Variants in RCN2 observed in about 807,000 individuals in gnomAD.
RCN2 encodes reticulocalbin 2.
Under a neutral mutation model 37.5 loss-of-function variants are expected in RCN2, and 23 were observed. The ratio of observed to expected loss-of-function variants is 0.61; its 90% CI spans 0.44 to 0.87. The LOEUF (loss-of-function observed/expected upper bound fraction) is 0.87, where lower values mean the gene tolerates loss of function less well. Among genes scored for constraint, RCN2 ranks in the 40% least tolerant of loss-of-function variants. RCN2 has a pLI of 0.00. For synonymous variants in RCN2, 140 were observed against 144.6 expected (o/e 0.97, Z 0.23); for missense variants, 381 against 390.4 (o/e 0.98, Z 0.20).
chr15:76,936,815 G>C (rs1469638386), intron 3 of RCN2, among the ~76,000 whole-genome samples: 3 of 152,140 alleles, frequency 2.0e-5, no homozygotes, highest in Non-Finnish European at 2.9e-5. Context: ...ATTGACCATT[G>C]TAACCATTTT....
chr15:76,941,809 T>C, intron 3 of RCN2: 1 of 526,038 alleles, frequency 1.9e-6, no homozygotes. Context: ...GATCCTTTCT[T>C]TCCATAGGCA....
Position 76,932,482 on chromosome 15 carries a change from C to CA in RCN2, c.250+17dup. The CA allele has an allele frequency of 6.7e-7, 1 of 1,496,088 alleles. No individual in the cohort carries two copies. Among genetic ancestry groups the CA allele is most frequent in the Non-Finnish European group, 9.3e-7 (1 of 1,073,450 alleles). 92.7% of individuals were successfully genotyped at this position (1,496,088 alleles called of 1,614,324 possible). ...CTCACTGAAAGTAAGGACTGCCCTA[C>CA]ACGACTAACAATGGAGACAAACACA... On this transcript the variant is annotated intron_variant, in intron 2 of 6. Transcript: ENST00000394885.
At chr15:76,941,666 C>G (rs1343862293) in intron 3 of RCN2, 17 of 1,500,418 alleles carry the variant, frequency 1.1e-5, no homozygotes, top group East Asian at 2.5e-5. Context: ...AACAGTCTTT[C>G]TGTTTTTGGC....
rs1269666293 is a variant in RCN2 at position 76,953,797 on chromosome 15, C to G, written c.*4575C>G. 2.7e-4 allele frequency: 8 copies of G among 29,312 alleles called. No homozygotes were observed. The highest frequency in any genetic ancestry group is 1.3e-4 in the Non-Finnish European group (1 of 7,950). The allele number at this position is 29,312 out of a possible 1,614,324, so 1.8% of individuals were successfully genotyped here. A position where few individuals can be genotyped will look rare whatever the true frequency, so the allele number is the denominator to read the frequency against. On this transcript the variant is annotated 3_prime_UTR_variant, in exon 7 of 7. Transcript: ENST00000394885. ...TAATTTTTTGTATTTTTAGTAGAGA[C>G]GGGGTTTCACCGTGTTAGCCAGGAT...
intron 3 of RCN2, 174 bp from the exon 4 acceptor site, chr15:76,943,584 C>T (rs1269283653): frequency 8.4e-6 from 4 of 477,754 alleles, no homozygotes; most frequent in African/African-American, 1.9e-5. Flanking sequence ...GACTCTAGAG[C>T]TTGTGAGTCT....
intron 2 of RCN2, among the ~76,000 whole-genome samples, chr15:76,932,808 G>A (rs2075230298): frequency 6.6e-6 from 1 of 152,080 alleles, no homozygotes; most frequent in African/African-American, 2.4e-5. Flanking sequence ...ATGATTTATC[G>A]CTCTTTTGAT....
chr15:76,935,530 A>G lies in RCN2; in HGVS notation c.255A>G (p.Glu85=), dbSNP rs151334127. 2 of 1,610,186 alleles carry G rather than the reference A, an allele frequency of 1.2e-6. No homozygotes were observed. The highest frequency in any genetic ancestry group is 2.2e-5 in the East Asian group (1 of 44,812). ...TGTTCTGGGAAATTCTCATAGGTGA[A>G]CTCAGTTCATGGATTCAGATGTCTT... ...LDSDGFLTES[E]LSSWIQMSFK... Residue 85 remains glutamate, a synonymous_variant, in exon 3 of 7, where the codon GAA becomes GAG. Coordinates refer to ENST00000394885, the MANE Select transcript of RCN2 (RefSeq NM_002902.3).
In RCN2 at chr15:76,943,315, C is replaced by T. The variant is rs78706622; in HGVS notation, c.448-443C>T. 4.8e-3 allele frequency: 731 copies of T among 153,026 alleles called. 5 individuals are homozygous for T. Among genetic ancestry groups the T allele is most frequent in the Non-Finnish European group, 6.0e-3 (411 of 68,578 alleles). The allele number at this position is 153,026 out of a possible 1,614,324, so 9.5% of individuals were successfully genotyped here. A position where few individuals can be genotyped will look rare whatever the true frequency, so the allele number is the denominator to read the frequency against. On this transcript the variant is annotated intron_variant, in intron 3 of 6. Transcript: ENST00000394885. ...CCAAGTTGCTGGAACTACAGGCGTG[C>T]GCCACTATGCCATGCTCAGTATTTT...
At position 76,950,685 on chromosome 15, in the gene RCN2, G is replaced by A. The variant is rs921960901; in HGVS notation, c.*1463G>A. 5 of 152,086 alleles carry A rather than the reference G, an allele frequency of 3.3e-5. No individual in the cohort carries two copies. Among genetic ancestry groups the A allele is most frequent in the Admixed American group, 6.5e-5 (1 of 15,268 alleles). The allele number at this position is 152,086 out of a possible 1,614,324, so 9.4% of individuals were successfully genotyped here. ...ATTACAGGCGTGAGCCAACGCGCAC[G>A]GCCTCTAGTTTTTCATTCTTTAAAT... is the stretch of plus-strand genomic sequence containing the variant. On this transcript the variant is annotated 3_prime_UTR_variant, in exon 7 of 7. Transcript: ENST00000394885.
At chr15:76,948,193 A>G (rs1194655555) in intron 5 of RCN2, 1 of 373,920 alleles carries the variant, frequency 2.7e-6, no homozygotes, top group Non-Finnish European at 4.8e-6. Flanking sequence ...GAAAACATCC[A>G]ATGATTTTAA....
At chr15:76,944,743 T>C (rs146111673) in intron 4 of RCN2, among the ~76,000 whole-genome samples, 76 of 152,334 alleles carry the variant, frequency 5.0e-4, no homozygotes, top group African/African-American at 1.8e-3. Flanking sequence ...AGTACTCCAT[T>C]GTGTATATGT....
chr15:76,952,744 C>T lies in RCN2; in HGVS notation c.*3522C>T, dbSNP rs1384387769. On this transcript the variant is annotated 3_prime_UTR_variant, in exon 7 of 7. Coordinates refer to ENST00000394885, the MANE Select transcript of RCN2 (RefSeq NM_002902.3). ...CAAGCGATTCTCCTGCCTCAGCCTC[C>T]CGACTAGGTGGGATTACAGGCGGGC... 2.0e-5 allele frequency: 3 copies of T among 152,074 alleles called. No individual in the cohort carries two copies. Among genetic ancestry groups the T allele is most frequent in the Non-Finnish European group, 4.4e-5 (3 of 68,088 alleles). The allele number at this position is 152,074 out of a possible 1,614,324, so 9.4% of individuals were successfully genotyped here. A position where few individuals can be genotyped will look rare whatever the true frequency, so the allele number is the denominator to read the frequency against.
chr15:76,945,254 C>T (rs574786008), intron 4 of RCN2, among the ~76,000 whole-genome samples: 1 of 152,276 alleles, frequency 6.6e-6, no homozygotes, highest in African/African-American at 2.4e-5. Context: ...CAGTGCCTTC[C>T]TTATCCTTTT....
chr15:76,951,493 T>A lies in RCN2; in HGVS notation c.*2271T>A, dbSNP rs72742434. ...TTAAGCCACTGAGATTTGGTTGTGC[T>A]TTTTTGTTTTTAACCACAGCAGAGC... On this transcript the variant is annotated 3_prime_UTR_variant, in exon 7 of 7. Transcript: ENST00000394885. The A allele has an allele frequency of 0.023, 3,572 of 152,284 alleles. 69 individuals are homozygous for A. The highest frequency in any genetic ancestry group is 0.032 in the Non-Finnish European group (2,182 of 68,030). The allele number at this position is 152,284 out of a possible 1,614,324, so 9.4% of individuals were successfully genotyped here.
chr15:76,936,691 G>A (rs2075250927), intron 3 of RCN2, among the ~76,000 whole-genome samples: 1 of 152,170 alleles, frequency 6.6e-6, no homozygotes, highest in South Asian at 2.1e-4. Flanking sequence ...ATGTGTGTAG[G>A]CTATGTGCAA....
At position 76,954,391 on chromosome 15, in the gene RCN2, A is replaced by C. The variant is rs752552913; in HGVS notation, c.*5169A>C. The stretch of plus-strand genomic sequence containing the variant: ...AGTTCTGTCGAATAAATATTTGGCC[A>C]GATTTCCTGCCTGCTATAAAATTTT... On this transcript the variant is annotated 3_prime_UTR_variant, in exon 7 of 7. Transcript: ENST00000394885. The C allele has an allele frequency of 6.0e-5, 9 of 151,202 alleles. No individual in the cohort carries two copies. Among genetic ancestry groups the C allele is most frequent in the Non-Finnish European group, 1.2e-4 (8 of 67,794 alleles). The allele number at this position is 151,202 out of a possible 1,614,324, so 9.4% of individuals were successfully genotyped here.
chr15:76,933,445 T>C (rs1185062396), intron 2 of RCN2, among the ~76,000 whole-genome samples: 1 of 152,240 alleles, frequency 6.6e-6, no homozygotes, highest in Non-Finnish European at 1.5e-5. Context: ...AACAAGACCT[T>C]TGGTCTCTGA....
At position 76,953,684 on chromosome 15, in the gene RCN2, T is replaced by G. The variant is rs2075335245; in HGVS notation, c.*4462T>G. 1 of 136,286 alleles carries G rather than the reference T, an allele frequency of 7.3e-6. No individual in the cohort carries two copies. Among genetic ancestry groups the G allele is most frequent in the South Asian group, 2.7e-4 (1 of 3,748 alleles). The allele number at this position is 136,286 out of a possible 1,614,324, so 8.4% of individuals were successfully genotyped here. A position where few individuals can be genotyped will look rare whatever the true frequency, so the allele number is the denominator to read the frequency against. ...GTGCAGTGGCGCGATCTCGGCTCACTGCAGGCTCCGCCTCCCGGGTTCACA... is the reference window on the plus strand; with the variant it reads ...GTGCAGTGGCGCGATCTCGGCTCACGGCAGGCTCCGCCTCCCGGGTTCACA... On this transcript the variant is annotated 3_prime_UTR_variant, in exon 7 of 7. Coordinates refer to ENST00000394885, the MANE Select transcript of RCN2 (RefSeq NM_002902.3).
intron 4 of RCN2, among the ~76,000 whole-genome samples, chr15:76,945,179 A>G (rs1404920272): frequency 6.6e-6 from 1 of 152,134 alleles, no homozygotes; most frequent in Non-Finnish European, 1.5e-5. Context: ...GAATTTTTAA[A>G]TCTCTGTACT....
Sources: gnomAD v4.1 joint callset for allele counts (sites outside exome capture counted in the v4.1 genomes callset) on GRCh38, gnomAD v4.1.1 for gene constraint, MANE v1.5 for transcripts, NCBI Gene and HGNC (gene_info 2026-07-23, HGNC 2026-07-21) for gene names.